The following PXDNL variants were observed in gnomAD, a reference collection of about 807,000 sequenced individuals.
PXDNL encodes the protein peroxidasin like, also known as probable oxidoreductase PXDNL.
Under a neutral mutation model 150.8 loss-of-function variants are expected in PXDNL, and 145 were observed. The ratio of observed to expected loss-of-function variants is 0.96; its 90% CI spans 0.84 to 1.10. The LOEUF (loss-of-function observed/expected upper bound fraction) is 1.10, where lower values mean the gene tolerates loss of function less well. Among genes scored for constraint, PXDNL ranks in the 50% least tolerant of loss-of-function variants. The pLI, the probability that PXDNL is intolerant of heterozygous loss-of-function variation, is 0.00. For synonymous variants in PXDNL, 757 were observed against 725.7 expected, an observed-to-expected ratio of 1.04 and a Z score of -0.69; for missense variants, 2,087 against 1,873.9, an observed-to-expected ratio of 1.11 and a Z score of -2.10.
At position 51,472,310 on chromosome 8, in the gene PXDNL, A is replaced by G. The variant is rs375053908; in HGVS notation, c.695-6T>C. On this transcript the variant is annotated splice_region_variant and splice_polypyrimidine_tract_variant and intron_variant, in intron 7 of 22. Transcript: ENST00000356297. ...AAAAGTAATTCGGGGGCTCTCTGCA[A>G]CAAAAGAATTATTGATGTATTTTTC... 1.0e-5 allele frequency: 16 copies of G among 1,603,476 alleles called. No homozygotes were observed. In the African/African-American group the frequency reaches 2.1e-4, roughly 21 times the overall value.
At chr8:51,669,754 C>A (rs1035604034) in intron 1 of PXDNL, among the ~76,000 whole-genome samples, 3 of 152,168 alleles carry the variant, frequency 2.0e-5, no homozygotes, top group Admixed American at 2.0e-4. Flanking sequence ...TCCCTGACCG[C>A]TGGAATCCAA....
In PXDNL at chr8:51,372,007, ACC is replaced by A; in HGVS notation, c.3765_3766del (p.Val1256AlafsTer3). The stretch of plus-strand genomic sequence containing the variant: ...AATGCTGTCACCATTGTCACAAAGC[ACC>A]CGGCTCAGGGACGCCTGCTTCAGCT... On this transcript the variant is annotated frameshift_variant, in exon 19 of 23. Transcript: ENST00000356297. LOFTEE classifies it high-confidence loss of function. The A allele has an allele frequency of 6.2e-7, 1 of 1,612,792 alleles. No individual in the cohort carries two copies. The highest frequency in any genetic ancestry group is 8.5e-7 in the Non-Finnish European group (1 of 1,179,478).
At chr8:51,389,601 A>G (rs998674244) in intron 17 of PXDNL, among the ~76,000 whole-genome samples, 3 of 152,178 alleles carry the variant, frequency 2.0e-5, no homozygotes, top group African/African-American at 7.2e-5. Context: ...AATGTCTATG[A>G]CTGATAATCA....
In PXDNL at chr8:51,535,597, C is replaced by T. The variant is rs1303760811; in HGVS notation, c.380+21243G>A. Among the ~76,000 whole-genome samples, 216 of 132,750 alleles carry T rather than the reference C, an allele frequency of 1.6e-3. 9 individuals are homozygous for T. The highest frequency in any genetic ancestry group is 7.4e-3 in the Middle Eastern group (2 of 272). 87.1% of individuals were successfully genotyped at this position (132,750 alleles called of 152,430 possible). On this transcript the variant is annotated intron_variant, in intron 4 of 22. Transcript: ENST00000356297. ...AAACACTGCGGAAGGCCGCAGGGTC[C>T]TCTGCCTAGGAAAACCAGAGACCTT...
chr8:51,717,124 CA>C (rs1296077074), intron 1 of PXDNL, among the ~76,000 whole-genome samples: 1 of 152,160 alleles, frequency 6.6e-6, no homozygotes, highest in African/African-American at 2.4e-5. Context: ...CTCATCATGA[CA>C]AAATGACTTT....
rs950735336 is a variant in PXDNL, at chr8:51,423,666, G to A, written c.1704C>T (p.Tyr568=). Residue 568 remains tyrosine (Y), a synonymous_variant, in exon 14 of 23, where the codon TAC becomes TAT. Transcript: ENST00000356297. The stretch of plus-strand genomic sequence containing the variant: ...TTCCCTGGTCAGGGAACCCTGCGTC[G>A]TAGATAGTCAGCGTGCCTTCATCAT... ...HVDDEGTLTI[Y]DAGFPDQGRY... is the part of the protein sequence containing the mutation. 39 of 1,613,712 alleles carry A rather than the reference G, an allele frequency of 2.4e-5. No individual in the cohort carries two copies. Among genetic ancestry groups the A allele is most frequent in the African/African-American group, 8.0e-5 (6 of 74,926 alleles).
chr8:51,454,396 C>T (rs564653688), intron 9 of PXDNL, among the ~76,000 whole-genome samples: 2 of 152,300 alleles, frequency 1.3e-5, no homozygotes, highest in African/African-American at 2.4e-5. Flanking sequence ...TTAAAATATG[C>T]ACAGACACAA....
chr8:51,521,229 G>A (rs914975459), intron 4 of PXDNL, among the ~76,000 whole-genome samples: 2 of 152,082 alleles, frequency 1.3e-5, no homozygotes, highest in African/African-American at 2.4e-5. Flanking sequence ...GTGACAGAAT[G>A]AGACTCTGTC....
At chr8:51,725,762 C>T in intron 1 of PXDNL, among the ~76,000 whole-genome samples, 1 of 152,218 alleles carries the variant, frequency 6.6e-6, no homozygotes, top group South Asian at 2.1e-4. Context: ...TTTAGTAAGA[C>T]ACCTTAAGGT....
At chr8:51,765,849 CT>C (rs5891431) in intron 1 of PXDNL, among the ~76,000 whole-genome samples, 109,473 of 142,088 alleles carry the variant, frequency 0.77, 42,038 homozygotes, top group African/African-American at 0.82. Context: ...CCTGTTTATT[CT>C]TTTTTTTTTT....
chr8:51,529,136 A>G (rs11998133), intron 4 of PXDNL, among the ~76,000 whole-genome samples: 3 of 152,254 alleles, frequency 2.0e-5, no homozygotes, highest in African/African-American at 7.2e-5. Flanking sequence ...AACGTCAATC[A>G]CATCCCAGTT....
chr8:51,798,926 C>T (rs368041377), intron 1 of PXDNL, among the ~76,000 whole-genome samples: 2 of 152,088 alleles, frequency 1.3e-5, no homozygotes, highest in Non-Finnish European at 2.9e-5. Flanking sequence ...GAATATAAAT[C>T]ATTCTATTAT....
intron 5 of PXDNL, among the ~76,000 whole-genome samples, chr8:51,495,024 T>A (rs1280743662): frequency 1.3e-5 from 2 of 152,152 alleles, no homozygotes; most frequent in African/African-American, 4.8e-5. Context: ...GACCACATAG[T>A]TGGAAGTAAA....
intron 1 of PXDNL, among the ~76,000 whole-genome samples, chr8:51,717,712 C>T (rs1816642589): frequency 6.6e-6 from 1 of 152,202 alleles, no homozygotes; most frequent in Non-Finnish European, 1.5e-5. Flanking sequence ...GGAAATAGTG[C>T]CCATGAGTGG....
intron 1 of PXDNL, among the ~76,000 whole-genome samples, chr8:51,797,198 C>G (rs1282399015): frequency 6.6e-6 from 1 of 152,168 alleles, no homozygotes; most frequent in African/African-American, 2.4e-5. Flanking sequence ...CCATTTATGA[C>G]AAACCCACTG....
chr8:51,371,128 C>T (rs772154861), intron 19 of PXDNL, among the ~76,000 whole-genome samples: 2 of 152,218 alleles, frequency 1.3e-5, no homozygotes, highest in Non-Finnish European at 2.9e-5. Context: ...CCTGTGAAGA[C>T]GTCAGCATGT....
intron 1 of PXDNL, among the ~76,000 whole-genome samples, chr8:51,713,039 C>T (rs1816531926): frequency 6.6e-6 from 1 of 152,120 alleles, no homozygotes; most frequent in Non-Finnish European, 1.5e-5. Context: ...TTATCTTTCT[C>T]CTAAAAATGT....
chr8:51,808,000 C>T lies in PXDNL; in HGVS notation c.164+1181G>A, dbSNP rs184390794. Among the ~76,000 whole-genome samples, 6 of 152,218 alleles carry T rather than the reference C, an allele frequency of 3.9e-5. 1 individual carries two copies. Among genetic ancestry groups the T allele is most frequent in the Admixed American group, 1.3e-4 (2 of 15,296 alleles). Reference sequence around the variant, plus strand: ...AATCCTTTCAGTTATTACAGTAAGACGTATTTTGATATCTGCATGCATATA... The same window carrying T: ...AATCCTTTCAGTTATTACAGTAAGATGTATTTTGATATCTGCATGCATATA... On this transcript the variant is annotated intron_variant, in intron 1 of 22. Coordinates refer to ENST00000356297, the MANE Select transcript of PXDNL (RefSeq NM_144651.5).
chr8:51,672,804 T>C (rs1299822124), intron 1 of PXDNL, among the ~76,000 whole-genome samples: 7 of 152,166 alleles, frequency 4.6e-5, no homozygotes, highest in Non-Finnish European at 2.9e-5. Flanking sequence ...TGTGGAAAGC[T>C]AGTATTAGCC....
Sources: gnomAD v4.1 joint callset for allele counts (sites outside exome capture counted in the v4.1 genomes callset) on GRCh38, gnomAD v4.1.1 for gene constraint, MANE v1.5 for transcripts, NCBI Gene and HGNC (gene_info 2026-07-23, HGNC 2026-07-21) for gene names.